The following GABRP variants were observed in gnomAD, a reference collection of about 807,000 sequenced individuals.
GABRP encodes the protein gamma-aminobutyric acid type A receptor subunit pi.
A neutral mutation model predicts 47.8 loss-of-function variants in GABRP; 52 were observed. That is an observed-to-expected ratio of 1.09 (90% CI 0.87 to 1.37). The LOEUF (loss-of-function observed/expected upper bound fraction) is 1.37. Ranked by LOEUF, GABRP falls within the 40% of genes most tolerant of loss-of-function variation. GABRP has a pLI of 0.00. For synonymous variants in GABRP, 221 were observed against 205.8 expected (o/e 1.07, Z -0.63); for missense variants, 525 against 542.8 (o/e 0.97, Z 0.33).
intron 1 of GABRP, among the ~76,000 whole-genome samples, chr5:170,786,321 G>T (rs1001231784): frequency 4.6e-5 from 7 of 152,280 alleles, no homozygotes; most frequent in Admixed American, 4.6e-4. Flanking sequence ...TTTATAACTG[G>T]TATTTTCAAT....
At position 170,789,122 on chromosome 5, in the gene GABRP, T is replaced by G. The variant is rs775760884; in HGVS notation, c.54-7T>G. On this transcript the variant is annotated splice_polypyrimidine_tract_variant and splice_region_variant and intron_variant, in intron 2 of 9. Transcript: ENST00000265294. The stretch of plus-strand genomic sequence containing the variant: ...AGCAAACACAACAAAGCCCATTTCT[T>G]TTCCAGGATGTGCATCCAGGGGAGT... 6.2e-7 allele frequency: 1 copy of G among 1,609,582 alleles called. No homozygotes were observed. The highest frequency in any genetic ancestry group is 1.7e-5 in the Admixed American group (1 of 59,976).
chr5:170,786,212 C>T (rs1765127815), intron 1 of GABRP, among the ~76,000 whole-genome samples: 2 of 152,112 alleles, frequency 1.3e-5, no homozygotes, highest in African/African-American at 4.8e-5. Flanking sequence ...CATGGACCCC[C>T]TTAAACTCAA....
chr5:170,788,745 C>T, intron 2 of GABRP, 77 bp downstream of exon 2: 1 of 1,391,790 alleles, frequency 7.2e-7, no homozygotes, highest in Non-Finnish European at 1.0e-6. Context: ...GGGGCAGCTC[C>T]TCCTATTCAC....
At chr5:170,802,741 G>A (rs1200648912) in intron 6 of GABRP, among the ~76,000 whole-genome samples, 2 of 150,184 alleles carry the variant, frequency 1.3e-5, no homozygotes, top group Non-Finnish European at 1.5e-5. Flanking sequence ...CATCCCCAGT[G>A]AGCGGAGGGA....
At chr5:170,808,186 A>G (rs1283184727) in intron 7 of GABRP, among the ~76,000 whole-genome samples, 4 of 152,198 alleles carry the variant, frequency 2.6e-5, no homozygotes, top group Non-Finnish European at 5.9e-5. Flanking sequence ...TAATAGGTCC[A>G]TTAGGTCTAT....
At chr5:170,789,319 C>T (rs891212770) in intron 3 of GABRP, 72 bp downstream of exon 3, 7 of 974,100 alleles carry the variant, frequency 7.2e-6, no homozygotes, top group South Asian at 4.6e-5. Context: ...TGGAGGGTTT[C>T]GGGAGGTTTT....
At chr5:170,806,235 T>G (rs1382420453) in intron 7 of GABRP, among the ~76,000 whole-genome samples, 4 of 152,200 alleles carry the variant, frequency 2.6e-5, no homozygotes, top group Non-Finnish European at 5.9e-5. Context: ...AACAAGAGCA[T>G]GAACACTCTA....
intron 2 of GABRP, among the ~76,000 whole-genome samples, 192 bp from the exon 3 acceptor site, chr5:170,788,937 A>T (rs1765193993): frequency 6.6e-6 from 1 of 152,226 alleles, no homozygotes; most frequent in African/African-American, 2.4e-5. Flanking sequence ...GATCTATGGC[A>T]AATGGGTAAA....
intron 6 of GABRP, among the ~76,000 whole-genome samples, chr5:170,801,741 G>A (rs1462250897): frequency 6.6e-6 from 1 of 152,074 alleles, no homozygotes; most frequent in Non-Finnish European, 1.5e-5. Context: ...TGTGGTAGAT[G>A]TTTGCAATAC....
intron 3 of GABRP, among the ~76,000 whole-genome samples, chr5:170,792,959 T>A (rs1374153134): frequency 6.6e-6 from 1 of 152,170 alleles, no homozygotes; most frequent in African/African-American, 2.4e-5. Context: ...GTTGTCCCTT[T>A]TCCAAAATTA....
At chr5:170,784,123 G>A (rs553877008) in intron 1 of GABRP, among the ~76,000 whole-genome samples, 20 of 152,300 alleles carry the variant, frequency 1.3e-4, no homozygotes, top group South Asian at 4.1e-4. Context: ...GGCACGCGCC[G>A]CACCACTTTA....
In GABRP at chr5:170,808,191, G is replaced by T. The variant is rs144431878; in HGVS notation, c.680-409G>T. On this transcript the variant is annotated intron_variant, in intron 7 of 9. Transcript: ENST00000265294. ...CACTTATATTTAATAGGTCCATTAG[G>T]TCTATTCCATAGTATTCCTTGAGAA... Among the ~76,000 whole-genome samples the T allele has an allele frequency of 3.7e-3, 562 of 152,256 alleles. 4 individuals are homozygous for T. Among genetic ancestry groups the T allele is most frequent in the Non-Finnish European group, 6.7e-3 (453 of 68,026 alleles).
intron 7 of GABRP, among the ~76,000 whole-genome samples, chr5:170,808,037 A>G (rs1561815423): frequency 6.6e-6 from 1 of 152,210 alleles, no homozygotes; most frequent in African/African-American, 2.4e-5. Flanking sequence ...CCTATTTACC[A>G]CAGAGAATTC....
intron 1 of GABRP, among the ~76,000 whole-genome samples, chr5:170,784,535 C>T (rs1318778736): frequency 6.6e-6 from 1 of 151,972 alleles, no homozygotes; most frequent in Non-Finnish European, 1.5e-5. Flanking sequence ...CATCAGCTCC[C>T]TATGTGACCT....
At chr5:170,786,300 A>T (rs1489380960) in intron 1 of GABRP, among the ~76,000 whole-genome samples, 4 of 152,234 alleles carry the variant, frequency 2.6e-5, no homozygotes, top group Non-Finnish European at 5.9e-5. Flanking sequence ...TGGTAGATTT[A>T]TAATGTTGAT....
intron 6 of GABRP, among the ~76,000 whole-genome samples, chr5:170,803,862 C>T (rs1033204214): frequency 4.1e-4 from 62 of 152,126 alleles, no homozygotes; most frequent in African/African-American, 1.1e-3. Context: ...CTGCAAACTC[C>T]GCCTCCCAGG....
intron 8 of GABRP, 134 bp from the exon 9 acceptor site, chr5:170,809,434 T>A: frequency 1.2e-6 from 1 of 808,690 alleles, no homozygotes; most frequent in Non-Finnish European, 2.1e-6. Context: ...GGTCGCAGAC[T>A]TTTCAAAATG....
chr5:170,789,044 G>T (rs2303133), intron 2 of GABRP, 85 bp from the exon 3 acceptor site: 4 of 1,027,112 alleles, frequency 3.9e-6, no homozygotes, highest in Non-Finnish European at 6.0e-6. Flanking sequence ...CCACACACAC[G>T]TGGGCAAACA....
Position 170,805,814 on chromosome 5 carries a change from C to G in GABRP, c.640C>G (p.Arg214Gly). 6.2e-7 allele frequency: 1 copy of G among 1,614,142 alleles called. No homozygotes were observed. Among genetic ancestry groups the G allele is most frequent in the Non-Finnish European group, 8.5e-7 (1 of 1,180,018 alleles). Residue 214 changes from arginine (R) to glycine (G), a missense_variant, in exon 7 of 10, where the codon CGG becomes GGG. Physicochemically the swap from Arg to Gly is moderately radical, Grantham distance 125. Transcript: ENST00000265294. Reference protein sequence around the residue: ...HLRLAQYTIERYFTLVTRSQQ... With the variant: ...HLRLAQYTIEGYFTLVTRSQQ... Reference sequence around the variant, plus strand: ...GCGGCTTGCTCAGTACACCATAGAGCGGTATTTCACCTTAGTCACCAGATC... The same window carrying G: ...GCGGCTTGCTCAGTACACCATAGAGGGGTATTTCACCTTAGTCACCAGATC...
Sources: gnomAD v4.1 joint callset for allele counts (sites outside exome capture counted in the v4.1 genomes callset) on GRCh38, gnomAD v4.1.1 for gene constraint, MANE v1.5 for transcripts, NCBI Gene and HGNC (gene_info 2026-07-23, HGNC 2026-07-21) for gene names.